The following SKA1 variants were observed in gnomAD, a reference collection of about 807,000 sequenced individuals.
The protein encoded by SKA1 is spindle and kinetochore associated complex subunit 1, also known as SKA complex subunit 1.
SKA1 carries 20 observed loss-of-function variants against 31.8 expected under a neutral mutation model. The observed-to-expected ratio is 0.63, with a 90% CI of 0.44 to 0.91. The LOEUF is 0.91. SKA1 is among the 40% of genes least tolerant of loss of function. The pLI, the probability that SKA1 is intolerant of heterozygous loss-of-function variation, is 0.00. For synonymous variants in SKA1, 88 were observed against 100.5 expected (o/e 0.88, Z 0.74); for missense variants, 253 against 298.2 (o/e 0.85, Z 1.12).
intron 3 of SKA1, among the ~76,000 whole-genome samples, chr18:50,380,656 A>G (rs2041255674): frequency 6.6e-6 from 1 of 152,246 alleles, no homozygotes; most frequent in Non-Finnish European, 1.5e-5. Context: ...CATCTGAAAA[A>G]ATAATGGATC....
chr18:50,386,736 A>G (rs913957684), intron 5 of SKA1, among the ~76,000 whole-genome samples: 1 of 152,178 alleles, frequency 6.6e-6, no homozygotes, highest in Non-Finnish European at 1.5e-5. Flanking sequence ...ACCTCTTTCT[A>G]TCTCCCACTG....
At position 50,392,338 on chromosome 18, in the gene SKA1, ATC is replaced by A; in HGVS notation, c.*93_*94del. 2 of 877,442 alleles carry A rather than the reference ATC, an allele frequency of 2.3e-6. No individual in the cohort carries two copies. The allele number at this position is 877,442 out of a possible 1,614,324, so 54.4% of individuals were successfully genotyped here. ...TTATATATAATTTTTTTAACTTTTA[ATC>A]TTTTTTGTTTCCTTTTTTTTTTTTT... On this transcript the variant is annotated 3_prime_UTR_variant, in exon 7 of 7. Transcript: ENST00000285116.
At chr18:50,379,945 C>T (rs1353787010) in intron 2 of SKA1, among the ~76,000 whole-genome samples, 181 bp from the exon 3 acceptor site, 1 of 152,168 alleles carries the variant, frequency 6.6e-6, no homozygotes, top group Non-Finnish European at 1.5e-5. Flanking sequence ...CCTTCTGTTC[C>T]ATACTACTTA....
At position 50,381,722 on chromosome 18, in the gene SKA1, G is replaced by GTTTT. The variant is rs1568328805; in HGVS notation, c.214-407_214-406insTTTT. On this transcript the variant is annotated intron_variant, in intron 3 of 6. Coordinates refer to ENST00000285116, the MANE Select transcript of SKA1 (RefSeq NM_145060.4). ...GCATTTTCGGTACTCCAGTCAATGT[G>GTTTT]GTTTTTTTTTTTTTTTTTTTTTGAG... is the stretch of plus-strand genomic sequence containing the variant. Among the ~76,000 whole-genome samples, 7 of 125,884 alleles carry GTTTT rather than the reference G, an allele frequency of 5.6e-5. 2 individuals carry two copies. Among genetic ancestry groups the GTTTT allele is most frequent in the South Asian group, 2.5e-4 (1 of 4,068 alleles). The allele number at this position is 125,884 out of a possible 152,430, so 82.6% of individuals were successfully genotyped here. A position where few individuals can be genotyped will look rare whatever the true frequency, so the allele number is the denominator to read the frequency against.
chr18:50,376,584 A>G (rs903982971), intron 2 of SKA1, among the ~76,000 whole-genome samples: 1 of 152,174 alleles, frequency 6.6e-6, no homozygotes, highest in Admixed American at 6.5e-5. Flanking sequence ...CTAGGACATC[A>G]CTGTATACTA....
intron 5 of SKA1, among the ~76,000 whole-genome samples, chr18:50,387,935 A>G (rs1674075374): frequency 6.6e-6 from 1 of 152,230 alleles, no homozygotes; most frequent in Admixed American, 6.5e-5. Context: ...AAGCTGGACA[A>G]GATGTGTCTG....
intron 5 of SKA1, among the ~76,000 whole-genome samples, chr18:50,388,584 G>A (rs1253171876): frequency 6.6e-6 from 1 of 152,044 alleles, no homozygotes; most frequent in Non-Finnish European, 1.5e-5. Context: ...GCTTTTTAGG[G>A]GTACTGCATC....
chr18:50,378,451 C>G (rs57800735), intron 2 of SKA1, among the ~76,000 whole-genome samples: 2 of 152,086 alleles, frequency 1.3e-5, no homozygotes, highest in African/African-American at 4.8e-5. Context: ...CCAAGGCAGG[C>G]GGATCGCTTG....
At chr18:50,385,046 T>C (rs2041295544) in intron 4 of SKA1, among the ~76,000 whole-genome samples, 170 bp from the exon 5 acceptor site, 1 of 149,694 alleles carries the variant, frequency 6.7e-6, no homozygotes, top group African/African-American at 2.6e-5. Flanking sequence ...CAACATTTCC[T>C]TCACCGTTTA....
At chr18:50,381,887 G>T (rs183218554) in intron 3 of SKA1, among the ~76,000 whole-genome samples, 1 of 152,118 alleles carries the variant, frequency 6.6e-6, no homozygotes, top group South Asian at 2.1e-4. Context: ...CACCACGCCC[G>T]GCTAAATTTT....
intron 5 of SKA1, among the ~76,000 whole-genome samples, chr18:50,386,760 T>C (rs1263142454): frequency 6.6e-6 from 1 of 152,210 alleles, no homozygotes; most frequent in Non-Finnish European, 1.5e-5. Flanking sequence ...CCCAGAATGT[T>C]ATATGGTTAG....
At chr18:50,376,198 A>G (rs1046708010) in intron 2 of SKA1, among the ~76,000 whole-genome samples, 2 of 152,210 alleles carry the variant, frequency 1.3e-5, no homozygotes, top group Admixed American at 6.5e-5. Context: ...TGTGGCATCC[A>G]TGGTTCTACA....
intron 2 of SKA1, 126 bp downstream of exon 2, chr18:50,376,044 T>G (rs2041212692): frequency 1.7e-6 from 1 of 583,948 alleles, no homozygotes; most frequent in Non-Finnish European, 3.0e-6. Context: ...GCATAACGAT[T>G]TTTTAAATAG....
intron 5 of SKA1, among the ~76,000 whole-genome samples, chr18:50,387,059 G>T (rs2041314976): frequency 6.6e-6 from 1 of 152,166 alleles, no homozygotes; most frequent in African/African-American, 2.4e-5. Flanking sequence ...TAACTGCTGA[G>T]TCACGTAAGA....
At chr18:50,377,319 A>T (rs545689035) in intron 2 of SKA1, among the ~76,000 whole-genome samples, 1 of 152,268 alleles carries the variant, frequency 6.6e-6, no homozygotes, top group South Asian at 2.1e-4. Flanking sequence ...GGCCACTGTC[A>T]TATTTATGGT....
At position 50,392,325 on chromosome 18, in the gene SKA1, T is replaced by G. The variant is rs541077113; in HGVS notation, c.*78T>G. 2 of 964,678 alleles carry G rather than the reference T, an allele frequency of 2.1e-6. No individual in the cohort carries two copies. Among genetic ancestry groups the G allele is most frequent in the Non-Finnish European group, 2.7e-6 (2 of 729,426 alleles). 59.8% of individuals were successfully genotyped at this position (964,678 alleles called of 1,614,324 possible). The stretch of plus-strand genomic sequence containing the variant: ...TTCTATAATTTTCTTATATATAATT[T>G]TTTTAACTTTTAATCTTTTTTGTTT... On this transcript the variant is annotated 3_prime_UTR_variant, in exon 7 of 7. Coordinates refer to ENST00000285116, the MANE Select transcript of SKA1 (RefSeq NM_145060.4).
chr18:50,385,658 G>A (rs753478805), intron 5 of SKA1, among the ~76,000 whole-genome samples: 8 of 152,128 alleles, frequency 5.3e-5, no homozygotes, highest in African/African-American at 7.2e-5. Flanking sequence ...TAAGGAAATC[G>A]AGTGTGTTGT....
At chr18:50,388,874 T>G (rs2041332834) in intron 5 of SKA1, among the ~76,000 whole-genome samples, 1 of 151,840 alleles carries the variant, frequency 6.6e-6, no homozygotes, top group African/African-American at 2.4e-5. Context: ...CATGGAAGTA[T>G]GGGGGGGCTC....
chr18:50,390,341 C>A (rs1187468873), intron 5 of SKA1, among the ~76,000 whole-genome samples: 1 of 152,192 alleles, frequency 6.6e-6, no homozygotes, highest in African/African-American at 2.4e-5. Context: ...ACTGAACTTA[C>A]AATTTGTTGA....
Sources: gnomAD v4.1 joint callset for allele counts (sites outside exome capture counted in the v4.1 genomes callset) on GRCh38, gnomAD v4.1.1 for gene constraint, MANE v1.5 for transcripts, NCBI Gene and HGNC (gene_info 2026-07-23, HGNC 2026-07-21) for gene names.